Variants in GPR174 observed in about 807,000 individuals in gnomAD.
GPR174 encodes the protein G protein-coupled receptor 174.
A neutral mutation model predicts 16.5 loss-of-function variants in GPR174; 8 were observed. The observed-to-expected ratio is 0.48, with a 90% CI of 0.28 to 0.87. The LOEUF is 0.87. Ranked by LOEUF, GPR174 falls within the 40% of genes least tolerant of loss-of-function variation. The pLI is 0.09. For missense variants in GPR174, 214 were observed against 247.5 expected (o/e 0.86, Z 0.91); for synonymous variants, 111 against 94.8 (o/e 1.17, Z -0.99).
chrX:79,147,595 T>C (rs1926526236), intron 1 of GPR174, among the ~76,000 whole-genome samples: 2 of 107,390 alleles, frequency 1.9e-5, no homozygotes, highest in African/African-American at 6.8e-5. Context: ...GAAGTGTATG[T>C]GCTGTATTGA....
rs1921483657 is a variant in GPR174 at position 79,170,467 on chromosome X, C to T, written c.-541C>T. 1 of 109,058 alleles carries T rather than the reference C, an allele frequency of 9.2e-6. No homozygotes were observed. The highest frequency in any genetic ancestry group is 1.9e-5 in the Non-Finnish European group (1 of 52,529). The allele number at this position is 109,058 out of a possible 1,213,427, so 9.0% of individuals were successfully genotyped here. A position where few individuals can be genotyped will look rare whatever the true frequency, so the allele number is the denominator to read the frequency against. On this transcript the variant is annotated 5_prime_UTR_variant, in exon 3 of 3. Transcript: ENST00000645147. Reference sequence around the variant, plus strand: ...TTGCTTGCAGCTCTGCCTTTGTTTCCTACTTTTTAGCTTTTGACCTATAGC... The same window carrying T: ...TTGCTTGCAGCTCTGCCTTTGTTTCTTACTTTTTAGCTTTTGACCTATAGC...
intron 2 of GPR174, among the ~76,000 whole-genome samples, chrX:79,164,387 CCAGACA>C (rs2147456187): frequency 9.0e-6 from 1 of 111,662 alleles, no homozygotes; most frequent in African/African-American, 3.2e-5. Context: ...GTGGCTTGTG[CCAGACA>C]CAGAGTTGTC....
At chrX:79,154,174 TATG>T (rs1921042031) in intron 1 of GPR174, among the ~76,000 whole-genome samples, 1 of 110,861 alleles carries the variant, frequency 9.0e-6, no homozygotes, top group Non-Finnish European at 1.9e-5. Flanking sequence ...GGCTCCAGTG[TATG>T]ATATGAGGAA....
At chrX:79,169,265 G>T (rs1490556821) in intron 2 of GPR174, among the ~76,000 whole-genome samples, 2 of 111,658 alleles carry the variant, frequency 1.8e-5, no homozygotes, top group African/African-American at 6.5e-5. Flanking sequence ...TTTAAAATTG[G>T]AGTCTGTTTC....
chrX:79,160,633 T>C (rs924660845), intron 2 of GPR174, among the ~76,000 whole-genome samples: 3 of 111,857 alleles, frequency 2.7e-5, no homozygotes, highest in East Asian at 2.8e-4. Context: ...TGAAGATGTA[T>C]ACCTTGGTGT....
At chrX:79,163,141 C>A (rs1396930011) in intron 2 of GPR174, among the ~76,000 whole-genome samples, 1 of 111,370 alleles carries the variant, frequency 9.0e-6, no homozygotes, top group Non-Finnish European at 1.9e-5. Flanking sequence ...AGTGTGGACA[C>A]TTGAAAGATT....
At chrX:79,170,116 A>C (rs764141864) in intron 2 of GPR174, among the ~76,000 whole-genome samples, 1 of 111,612 alleles carries the variant, frequency 9.0e-6, no homozygotes, top group African/African-American at 3.3e-5. Context: ...TAGCTTCTCA[A>C]ATGTTAATAC....
rs369613413 is a variant in GPR174, at chrX:79,171,719, G to T, written c.712G>T (p.Val238Leu). The T allele has an allele frequency of 3.3e-6, 4 of 1,209,483 alleles. No individual in the cohort carries two copies. The African/African-American group carries it at 5.3e-5, about 16-fold the overall frequency. Residue 238 changes from valine to leucine, a missense_variant, in exon 3 of 3, where the codon GTA (valine) becomes TTA (leucine). Physicochemically the swap from Val to Leu is conservative, Grantham distance 32. Coordinates refer to ENST00000645147, the MANE Select transcript of GPR174 (RefSeq NM_032553.3). The stretch of plus-strand genomic sequence containing the variant: ...GAAGATGATTCTAACCTGTGCAGGG[G>T]TATTCCTAATTTGCTTTGCACCTTA... ...ALKMILTCAG[V>L]FLICFAPYHF...
intron 2 of GPR174, among the ~76,000 whole-genome samples, chrX:79,159,115 A>G (rs901144226): frequency 8.9e-6 from 1 of 111,809 alleles, no homozygotes; most frequent in African/African-American, 3.3e-5. Flanking sequence ...GGAGGTATTA[A>G]CAGATGAGAT....
intron 1 of GPR174, among the ~76,000 whole-genome samples, chrX:79,148,152 G>A (rs1926537358): frequency 9.0e-6 from 1 of 111,589 alleles, no homozygotes; most frequent in Non-Finnish European, 1.9e-5. Context: ...AGTTATGTGG[G>A]TCATGCGGAA....
At position 79,172,042 on chromosome X, in the gene GPR174, G is replaced by A. The variant is rs761261051; in HGVS notation, c.*33G>A. 4.3e-6 allele frequency: 5 copies of A among 1,153,794 alleles called. No individual in the cohort carries two copies. The highest frequency in any genetic ancestry group is 5.8e-6 in the Non-Finnish European group (5 of 863,236). ...AACCAAACTGAATGTGACCTGAAATGCAAGTACATCAGAACATATCTGCAA... is the reference window on the plus strand; with the variant it reads ...AACCAAACTGAATGTGACCTGAAATACAAGTACATCAGAACATATCTGCAA... On this transcript the variant is annotated 3_prime_UTR_variant, in exon 3 of 3. Transcript: ENST00000645147.
At chrX:79,162,006 T>A (rs932296046) in intron 2 of GPR174, among the ~76,000 whole-genome samples, 1 of 111,961 alleles carries the variant, frequency 8.9e-6, no homozygotes, top group Admixed American at 9.5e-5. Flanking sequence ...CCACAAGAGT[T>A]GAGATTTTTA....
rs1926476957 is a variant in GPR174, at chrX:79,145,237, G to C, written c.-654+20G>C. 9.1e-6 allele frequency: 1 copy of C among 110,223 alleles called. No homozygotes were observed. The highest frequency in any genetic ancestry group is 3.8e-4 in the South Asian group (1 of 2,623). The allele number at this position is 110,223 out of a possible 1,213,427, so 9.1% of individuals were successfully genotyped here. A position where few individuals can be genotyped will look rare whatever the true frequency, so the allele number is the denominator to read the frequency against. On this transcript the variant is annotated intron_variant, in intron 1 of 2. Transcript: ENST00000645147. ...GAAATGGTAGGTTCTAATTATTTAT[G>C]CATAATTAGCTCTCGTCTGTGCGTT... is the stretch of plus-strand genomic sequence containing the variant.
intron 2 of GPR174, among the ~76,000 whole-genome samples, chrX:79,170,158 C>T (rs1026090937): frequency 2.7e-5 from 3 of 111,497 alleles, no homozygotes; most frequent in Non-Finnish European, 3.8e-5. Context: ...ATTGTTAAAA[C>T]GCAGATCTTG....
chrX:79,167,323 C>G (rs1489735438), intron 2 of GPR174, among the ~76,000 whole-genome samples: 1 of 111,756 alleles, frequency 8.9e-6, no homozygotes, highest in Non-Finnish European at 1.9e-5. Context: ...TTCAGTTGTC[C>G]ATCTGGGAAT....
At chrX:79,147,003 C>A (rs1926513519) in intron 1 of GPR174, among the ~76,000 whole-genome samples, 1 of 111,804 alleles carries the variant, frequency 8.9e-6, no homozygotes. Flanking sequence ...CCACCCAAAA[C>A]CTTCTTTTTA....
At position 79,171,429 on chromosome X, in the gene GPR174, G is replaced by T; in HGVS notation, c.422G>T (p.Gly141Val). ...TATGACCTGTACATCAGCATTGCTG[G>T]CTGGCTGATCATCTGCCTTGCCTGT... ...QKYDLYISIA[G>V]WLIICLACVL... Residue 141 changes from glycine (G) to valine (V), a missense_variant, in exon 3 of 3, where the codon GGC becomes GTC. Gly to Val is a moderately radical substitution (Grantham distance 109). Coordinates refer to ENST00000645147, the MANE Select transcript of GPR174 (RefSeq NM_032553.3). The T allele has an allele frequency of 8.3e-7, 1 of 1,211,293 alleles. No homozygotes were observed. Among genetic ancestry groups the T allele is most frequent in the Non-Finnish European group, 1.1e-6 (1 of 895,166 alleles).
At chrX:79,160,299 G>A (rs1051143937) in intron 2 of GPR174, among the ~76,000 whole-genome samples, 3 of 110,884 alleles carry the variant, frequency 2.7e-5, no homozygotes, top group East Asian at 2.8e-4. Context: ...TTTGTCACCC[G>A]TAAAATTATT....
At chrX:79,157,980 T>C (rs1194548950) in intron 2 of GPR174, among the ~76,000 whole-genome samples, 1 of 108,550 alleles carries the variant, frequency 9.2e-6, no homozygotes, top group Non-Finnish European at 1.9e-5. Context: ...TACCAGCTAA[T>C]AAAACTCCTG....
Sources: allele counts gnomAD v4.1 joint callset (sites outside exome capture counted in the v4.1 genomes callset), GRCh38; gene constraint gnomAD v4.1.1; transcripts MANE v1.5; gene names NCBI Gene and HGNC (gene_info 2026-07-23, HGNC 2026-07-21).